Variants in AMY2A observed in about 807,000 individuals in gnomAD.
AMY2A encodes amylase alpha 2A.
In AMY2A, 16 loss-of-function variants were observed where a neutral mutation model predicts 43.0. That is an observed-to-expected ratio of 0.37 (90% CI 0.25 to 0.56). The LOEUF is 0.56. Ranked by LOEUF, AMY2A falls within the 20% of genes least tolerant of loss-of-function variation. AMY2A has a pLI of 0.77. For synonymous variants in AMY2A, 70 were observed against 144.6 expected (o/e 0.48, Z 3.70); for missense variants, 212 against 456.8 (o/e 0.46, Z 4.89).
At chr1:103,618,552 TAGAG>T (rs1237298323) in intron 2 of AMY2A, among the ~76,000 whole-genome samples, 1 of 150,732 alleles carries the variant, frequency 6.6e-6, no homozygotes, top group Non-Finnish European at 1.5e-5. Context: ...AAAAGCTTCA[TAGAG>T]AGTACAGGCT....
At chr1:103,620,015 T>C (rs1178966810) in intron 4 of AMY2A, among the ~76,000 whole-genome samples, 1 of 151,284 alleles carries the variant, frequency 6.6e-6, no homozygotes, top group East Asian at 1.9e-4. Flanking sequence ...TTTACTTTCT[T>C]TGGATAATGA....
chr1:103,618,720 C>A (rs1465545238), intron 2 of AMY2A, among the ~76,000 whole-genome samples, 191 bp from the exon 3 acceptor site: 2 of 150,616 alleles, frequency 1.3e-5, no homozygotes, highest in Non-Finnish European at 3.0e-5. Flanking sequence ...GACCAAGTGT[C>A]TAGAAGGCAT....
chr1:103,618,773 T>C, intron 2 of AMY2A, 138 bp from the exon 3 acceptor site: 2 of 1,495,670 alleles, frequency 1.3e-6, no homozygotes, highest in Non-Finnish European at 9.1e-7. Context: ...CAGTTGATTT[T>C]TGATCTTGTA....
Position 103,619,708 on chromosome 1 carries a change from A to G in AMY2A, c.668A>G (p.Lys223Arg), listed in dbSNP as rs1383733061. Reference protein sequence around the residue: ...ASKHMWPGDIKAILDKLHNLN... With the variant: ...ASKHMWPGDIRAILDKLHNLN... ...AAGCACATGTGGCCTGGAGACATAAAGGCAATTTTGGACAAACTGCATAAT... is the reference window on the plus strand; with the variant it reads ...AAGCACATGTGGCCTGGAGACATAAGGGCAATTTTGGACAAACTGCATAAT... The change falls in exon 4 of 10, where the codon AAG becomes AGG. Residue 223 changes from lysine to arginine, a missense_variant. Lys to Arg is a conservative substitution (Grantham distance 26). Around this residue, in one of 2 missense-constraint regions of AMY2A, gnomAD observed 13 missense variants for 246.2 expected, o/e 0.05. Coordinates refer to ENST00000414303, the MANE Select transcript of AMY2A (RefSeq NM_000699.4). The G allele has an allele frequency of 6.8e-6, 11 of 1,613,782 alleles. No homozygotes were observed. The highest frequency in any genetic ancestry group is 1.7e-4 in the Middle Eastern group (1 of 6,054).
At chr1:103,616,948 G>T, upstream of AMY2A, 3 of 1,015,786 alleles carry the variant, frequency 3.0e-6, 1 homozygote, top group Non-Finnish European at 3.6e-6. Context: ...AGTCTGTCAG[G>T]GTTGGAAAGT....
At chr1:103,617,649 C>T (rs1653115421) in intron 1 of AMY2A, 41 bp downstream of exon 1, 1 of 1,600,778 alleles carries the variant, frequency 6.2e-7, no homozygotes, top group Non-Finnish European at 8.5e-7. Flanking sequence ...ATTCACTGTG[C>T]TTGTAGGAAA....
At chr1:103,618,884 C>A in intron 2 of AMY2A, 27 bp from the exon 3 acceptor site, 2 of 781,110 alleles carry the variant, frequency 2.6e-6, no homozygotes, top group South Asian at 1.9e-5. Context: ...CTGTAAGTCA[C>A]ACTGAAGTAG....
At chr1:103,623,383 G>C (rs1354665691) in intron 7 of AMY2A, among the ~76,000 whole-genome samples, 1 of 112,222 alleles carries the variant, frequency 8.9e-6, no homozygotes, top group Non-Finnish European at 1.9e-5. Context: ...GAGGCGAGGC[G>C]AGAAGATCAG....
intron 2 of AMY2A, 98 bp from the exon 3 acceptor site, chr1:103,618,813 T>A (rs1570667467): frequency 7.6e-7 from 1 of 1,319,426 alleles, no homozygotes; most frequent in East Asian, 2.4e-5. Context: ...TCATGAAATA[T>A]TTTGGAGTTT....
chr1:103,623,383 G>A (rs1354665691), intron 7 of AMY2A, among the ~76,000 whole-genome samples: 2 of 112,260 alleles, frequency 1.8e-5, no homozygotes, highest in Admixed American at 1.8e-4. Context: ...GAGGCGAGGC[G>A]AGAAGATCAG....
Position 103,617,850 on chromosome 1 carries a change from T to G in AMY2A, c.169-104T>G, listed in dbSNP as rs982624845. 3.2e-6 allele frequency: 5 copies of G among 1,568,642 alleles called. No individual in the cohort carries two copies. In the African/African-American group the frequency reaches 6.8e-5, roughly 21 times the overall value. Reference sequence around the variant, plus strand: ...AATATTTTCAAGAGATAGCTGCCTATACCAAGATTCAAGAATCTTTTATAC... The same window carrying G: ...AATATTTTCAAGAGATAGCTGCCTAGACCAAGATTCAAGAATCTTTTATAC... On this transcript the variant is annotated intron_variant, in intron 1 of 9. Transcript: ENST00000414303.
rs577417990 is a variant in AMY2A, at chr1:103,617,786, G to T, written c.169-168G>T. On this transcript the variant is annotated intron_variant, in intron 1 of 9. Transcript: ENST00000414303. Reference sequence around the variant, plus strand: ...TGGCAACTTTATATTTTGTTTCTGAGATAATCTTTCTTCACCAAGAGCCCT... The same window carrying T: ...TGGCAACTTTATATTTTGTTTCTGATATAATCTTTCTTCACCAAGAGCCCT... Among the ~76,000 whole-genome samples the T allele has an allele frequency of 5.3e-5, 8 of 150,674 alleles. 1 individual carries two copies. Among genetic ancestry groups the T allele is most frequent in the Admixed American group, 2.0e-4 (3 of 15,086 alleles).
upstream of AMY2A, chr1:103,616,671 T>C (rs1330170607): frequency 6.6e-6 from 1 of 150,888 alleles, no homozygotes; most frequent in Admixed American, 6.6e-5. Context: ...CAGCACTGGA[T>C]TGTAGAATGT....
At chr1:103,617,297 G>A, upstream of AMY2A, 1 of 1,465,888 alleles carries the variant, frequency 6.8e-7, no homozygotes, top group Non-Finnish European at 9.3e-7. Context: ...TACCTGTTAG[G>A]ATTATTATTG....
rs760328135 is a variant in AMY2A, at chr1:103,618,241, G to C, written c.315+141G>C. The C allele has an allele frequency of 3.0e-6, 4 of 1,341,540 alleles. No homozygotes were observed. The African/African-American group carries it at 4.4e-5, about 15-fold the overall frequency. 83.1% of individuals were successfully genotyped at this position (1,341,540 alleles called of 1,614,324 possible). ...CATAATTTAAAACTCAAAATTAACT[G>C]TTTATTTATGTTCAACTTTTGTGAA... On this transcript the variant is annotated intron_variant, in intron 2 of 9. Coordinates refer to ENST00000414303, the MANE Select transcript of AMY2A (RefSeq NM_000699.4).
upstream of AMY2A, chr1:103,617,292 G>T: frequency 1.4e-6 from 2 of 1,441,428 alleles, no homozygotes; most frequent in South Asian, 1.3e-5. Flanking sequence ...TTCTTTACCT[G>T]TTAGGATTAT....
At chr1:103,616,847 C>A, upstream of AMY2A, 2 of 320,730 alleles carry the variant, frequency 6.2e-6, no homozygotes, top group Non-Finnish European at 9.2e-6. Context: ...AGTCTCTGAT[C>A]TGTACAGGGT....
At chr1:103,616,882 C>A (rs563370296), upstream of AMY2A, 31 of 616,534 alleles carry the variant, frequency 5.0e-5, no homozygotes, top group African/African-American at 5.7e-4. Context: ...GCTGAGTGTT[C>A]TGGGATTTGT....
chr1:103,619,023 C>A lies in AMY2A; in HGVS notation c.428C>A (p.Ala143Glu), dbSNP rs749233718. The A allele has an allele frequency of 7.6e-7, 1 of 1,310,132 alleles. No homozygotes were observed. The highest frequency in any genetic ancestry group is 1.4e-5 in the South Asian group (1 of 69,140). The allele number at this position is 1,310,132 out of a possible 1,614,324, so 81.2% of individuals were successfully genotyped here. Residue 143 changes from alanine to glutamate, a missense_variant, in exon 3 of 10, where the codon GCA (alanine) becomes GAA (glutamate). Physicochemically the swap from Ala to Glu is moderately radical, Grantham distance 107. This residue lies in a region of AMY2A where 199 missense variants were observed against 210.6 expected (regional missense o/e 0.94). Transcript: ENST00000414303. The part of the protein sequence containing the change: ...YFNPGSRDFP[A>E]VPYSGWDFND... ...AACCCTGGAAGTAGGGACTTTCCAG[C>A]AGTCCCATATTCTGGATGGGATTTC...
Sources: allele counts gnomAD v4.1 joint callset (sites outside exome capture counted in the v4.1 genomes callset), GRCh38; gene constraint gnomAD v4.1.1; regional missense constraint gnomAD v4.1.1; transcripts MANE v1.5; gene names NCBI Gene and HGNC (gene_info 2026-07-23, HGNC 2026-07-21).